Variants in SLA observed in about 807,000 individuals in gnomAD.
SLA encodes Src like adaptor, also known as src-like-adapter.
In SLA, 16 loss-of-function variants were observed where a neutral mutation model predicts 30.3. That is an observed-to-expected ratio of 0.53 (90% CI 0.36 to 0.80). The LOEUF is 0.80. Among genes scored for constraint, SLA ranks in the 30% least tolerant of loss-of-function variants. The pLI is 0.01. For synonymous variants in SLA, 143 were observed against 137.8 expected (o/e 1.04, Z -0.26); for missense variants, 310 against 345.2 (o/e 0.90, Z 0.81).
At chr8:133,064,952 C>T (rs1842851581) in intron 2 of SLA, among the ~76,000 whole-genome samples, 2 of 152,142 alleles carry the variant, frequency 1.3e-5, no homozygotes, top group Non-Finnish European at 1.5e-5. Flanking sequence ...GAAGGCAGGT[C>T]ATAAAGCCAG....
chr8:133,090,450 G>A (rs879739624), intron 1 of SLA, among the ~76,000 whole-genome samples: 19 of 152,340 alleles, frequency 1.2e-4, no homozygotes, highest in Admixed American at 2.0e-4. Flanking sequence ...ACCTTGGCCC[G>A]TGTGTGGTAC....
rs913827696 is a variant in SLA, at chr8:133,056,433, G to A, written c.61+3667C>T. Among the ~76,000 whole-genome samples the A allele has an allele frequency of 7.9e-5, 12 of 152,130 alleles. No individual in the cohort carries two copies. In the East Asian group the frequency reaches 1.4e-3, roughly 17 times the overall value. On this transcript the variant is annotated intron_variant, in intron 3 of 8. Coordinates refer to ENST00000338087, the MANE Select transcript of SLA (RefSeq NM_001045556.3). ...ATCATCTGGGTCATTAAATCTGGGGGCCAGGCACATTCTCATTCATTCGAG... is the reference window on the plus strand; with the variant it reads ...ATCATCTGGGTCATTAAATCTGGGGACCAGGCACATTCTCATTCATTCGAG...
chr8:133,087,303 C>G (rs557992351), intron 1 of SLA, among the ~76,000 whole-genome samples: 13 of 152,286 alleles, frequency 8.5e-5, no homozygotes, highest in Admixed American at 5.2e-4. Flanking sequence ...TAAGGTCGCA[C>G]TGATGGATGT....
At chr8:133,086,019 C>T (rs1588046052) in intron 1 of SLA, among the ~76,000 whole-genome samples, 1 of 152,150 alleles carries the variant, frequency 6.6e-6, no homozygotes, top group South Asian at 2.1e-4. Context: ...TTTCTCTATA[C>T]AATTAAGTAT....
chr8:133,092,824 C>A (rs1420164584), intron 1 of SLA, among the ~76,000 whole-genome samples: 1 of 152,148 alleles, frequency 6.6e-6, no homozygotes, highest in East Asian at 1.9e-4. Flanking sequence ...GCGTAAACAC[C>A]AATTTTCCAC....
chr8:133,052,804 G>T (rs571011458), intron 3 of SLA, among the ~76,000 whole-genome samples: 1 of 152,206 alleles, frequency 6.6e-6, no homozygotes, highest in African/African-American at 2.4e-5. Context: ...GGTCTCAGGC[G>T]TATGATTTGT....
chr8:133,054,062 G>C (rs1242903138), intron 3 of SLA, among the ~76,000 whole-genome samples: 1 of 152,176 alleles, frequency 6.6e-6, no homozygotes, highest in Non-Finnish European at 1.5e-5. Context: ...CTGGTGCCAG[G>C]ATCCCTTCAA....
At chr8:133,061,805 G>A (rs1232033467) in intron 2 of SLA, among the ~76,000 whole-genome samples, 1 of 152,174 alleles carries the variant, frequency 6.6e-6, no homozygotes, top group Non-Finnish European at 1.5e-5. Context: ...ACAGGTTCTG[G>A]AAAGAAGTAC....
At chr8:133,083,791 C>T (rs562308497) in intron 1 of SLA, among the ~76,000 whole-genome samples, 34 of 152,278 alleles carry the variant, frequency 2.2e-4, no homozygotes, top group Admixed American at 3.3e-4. Flanking sequence ...AGCAGGCTCA[C>T]GGACTCACAT....
chr8:133,056,399 G>A (rs983303979), intron 3 of SLA, among the ~76,000 whole-genome samples: 14 of 152,154 alleles, frequency 9.2e-5, no homozygotes, highest in Admixed American at 7.9e-4. Context: ...CCCCTTGCTA[G>A]GGCACTTGAT....
chr8:133,078,378 C>T (rs982636535), intron 1 of SLA, among the ~76,000 whole-genome samples: 15 of 152,166 alleles, frequency 9.9e-5, no homozygotes, highest in African/African-American at 3.6e-4. Flanking sequence ...ACAACAGAGG[C>T]CCAGCCAGGG....
chr8:133,083,916 C>T (rs1439984260), intron 1 of SLA, among the ~76,000 whole-genome samples: 1 of 152,184 alleles, frequency 6.6e-6, no homozygotes, highest in Non-Finnish European at 1.5e-5. Flanking sequence ...GCTCCCCTCT[C>T]TCTGCATGGA....
Position 133,075,835 on chromosome 8 carries a change from G to T in SLA, c.-318-705C>A, listed in dbSNP as rs548620407. ...AGACAGAAGGCAAACGGGACAAAAT[G>T]TTAATACTTGGTGAGCCTAGGTGAA... On this transcript the variant is annotated intron_variant, in intron 1 of 8. Coordinates refer to ENST00000338087, the MANE Select transcript of SLA (RefSeq NM_001045556.3). Among the ~76,000 whole-genome samples the T allele has an allele frequency of 3.9e-4, 60 of 152,216 alleles. No individual in the cohort carries two copies. In the South Asian group the frequency reaches 0.012, roughly 30 times the overall value.
chr8:133,093,079 C>T (rs188763247), intron 1 of SLA, among the ~76,000 whole-genome samples: 18 of 151,866 alleles, frequency 1.2e-4, no homozygotes, highest in Admixed American at 7.2e-4. Context: ...ATTCAGAACA[C>T]GGAGTTTTGA....
chr8:133,063,207 G>A (rs565284336), intron 2 of SLA, among the ~76,000 whole-genome samples: 27 of 152,018 alleles, frequency 1.8e-4, no homozygotes, highest in African/African-American at 6.5e-4. Context: ...TCAACACCTA[G>A]TGATTGTGCC....
At chr8:133,039,203 C>G (rs1837690791) in intron 8 of SLA, among the ~76,000 whole-genome samples, 1 of 152,122 alleles carries the variant, frequency 6.6e-6, no homozygotes, top group Non-Finnish European at 1.5e-5. Context: ...TAGTTATTAC[C>G]CTAACCTATT....
chr8:133,100,818 G>A (rs568961347), intron 1 of SLA, among the ~76,000 whole-genome samples: 12 of 152,150 alleles, frequency 7.9e-5, no homozygotes, highest in Admixed American at 5.2e-4. Context: ...TTTTTTTTCT[G>A]TAGTCATTTA....
At chr8:133,069,713 G>A (rs1843665548) in intron 2 of SLA, among the ~76,000 whole-genome samples, 1 of 152,072 alleles carries the variant, frequency 6.6e-6, no homozygotes, top group East Asian at 1.9e-4. Flanking sequence ...AGAAACAGAA[G>A]AAAAAGGCCA....
At chr8:133,074,462 A>G (rs1229867220) in intron 2 of SLA, among the ~76,000 whole-genome samples, 1 of 152,122 alleles carries the variant, frequency 6.6e-6, no homozygotes, top group African/African-American at 2.4e-5. Flanking sequence ...AGGTACCATC[A>G]TTGTCACTTT....
Sources: allele counts gnomAD v4.1 joint callset (sites outside exome capture counted in the v4.1 genomes callset), GRCh38; gene constraint gnomAD v4.1.1; transcripts MANE v1.5; gene names NCBI Gene and HGNC (gene_info 2026-07-23, HGNC 2026-07-21).